Variants in SCFD2 observed in about 807,000 individuals in gnomAD.
SCFD2 encodes the protein sec1 family domain containing 2, also known as sec1 family domain-containing protein 2.
Under a neutral mutation model 58.9 loss-of-function variants are expected in SCFD2, and 54 were observed. That is an observed-to-expected ratio of 0.92 (90% CI 0.74 to 1.15). The LOEUF (loss-of-function observed/expected upper bound fraction) is 1.15, where lower values mean the gene tolerates loss of function less well. Ranked by LOEUF, SCFD2 falls within the 50% of genes most tolerant of loss-of-function variation. SCFD2 has a pLI of 0.00. For synonymous variants in SCFD2, 321 were observed against 335.9 expected (o/e 0.96, Z 0.49); for missense variants, 805 against 836.6 (o/e 0.96, Z 0.47).
intron 5 of SCFD2, among the ~76,000 whole-genome samples, chr4:53,136,669 G>C (rs928583671): frequency 6.6e-6 from 1 of 152,124 alleles, no homozygotes; most frequent in African/African-American, 2.4e-5. Context: ...CTTGAATTCA[G>C]ATATTTGGGC....
At chr4:53,272,551 A>G (rs887268894) in intron 4 of SCFD2, among the ~76,000 whole-genome samples, 1 of 152,160 alleles carries the variant, frequency 6.6e-6, no homozygotes. Flanking sequence ...GTCCTTTGTA[A>G]GGACATGGAT....
At chr4:53,063,281 T>TAATC (rs1723566456) in intron 5 of SCFD2, among the ~76,000 whole-genome samples, 1 of 152,134 alleles carries the variant, frequency 6.6e-6, no homozygotes, top group African/African-American at 2.4e-5. Flanking sequence ...TAAAACTGGG[T>TAATC]AATCAATCTT....
intron 5 of SCFD2, among the ~76,000 whole-genome samples, chr4:53,070,641 A>G (rs1461840240): frequency 2.6e-5 from 4 of 152,108 alleles, no homozygotes; most frequent in Admixed American, 2.0e-4. Flanking sequence ...TGTGTACATA[A>G]TAGCACCAAA....
At chr4:53,178,415 C>A (rs1266952639) in intron 4 of SCFD2, among the ~76,000 whole-genome samples, 2 of 152,178 alleles carry the variant, frequency 1.3e-5, no homozygotes, top group Non-Finnish European at 2.9e-5. Context: ...CTAGCAAACT[C>A]CAATAGACCT....
At chr4:53,227,635 A>T (rs2149002203) in intron 4 of SCFD2, among the ~76,000 whole-genome samples, 1 of 152,292 alleles carries the variant, frequency 6.6e-6, no homozygotes, top group South Asian at 2.1e-4. Flanking sequence ...TGGGAAGTCT[A>T]AACCCTTTAT....
intron 5 of SCFD2, among the ~76,000 whole-genome samples, chr4:52,968,629 G>A (rs1721019486): frequency 6.6e-6 from 1 of 152,218 alleles, no homozygotes; most frequent in African/African-American, 2.4e-5. Flanking sequence ...CTAGCCACAG[G>A]GAAGTGGGTG....
intron 4 of SCFD2, among the ~76,000 whole-genome samples, chr4:53,239,456 G>A (rs1190712488): frequency 6.7e-6 from 1 of 148,556 alleles, no homozygotes; most frequent in Non-Finnish European, 1.5e-5. Context: ...GAGAGGGAGA[G>A]GGAGAGAGCG....
intron 2 of SCFD2, among the ~76,000 whole-genome samples, chr4:53,315,957 C>G (rs556047432): frequency 1.6e-4 from 24 of 152,118 alleles, no homozygotes; most frequent in Non-Finnish European, 2.5e-4. Flanking sequence ...CCATGCTCCT[C>G]CTCACCCACT....
chr4:53,302,758 G>A (rs970675231), intron 3 of SCFD2, among the ~76,000 whole-genome samples: 1 of 152,102 alleles, frequency 6.6e-6, no homozygotes, highest in African/African-American at 2.4e-5. Context: ...CAGACATATA[G>A]ACCAATGGAA....
chr4:53,036,690 T>C (rs1313022376), intron 5 of SCFD2, among the ~76,000 whole-genome samples: 3 of 151,826 alleles, frequency 2.0e-5, no homozygotes, highest in Non-Finnish European at 2.9e-5. Flanking sequence ...CCGGGGCCTG[T>C]CAGGGGGTGT....
At chr4:53,030,988 T>C (rs1253696622) in intron 5 of SCFD2, among the ~76,000 whole-genome samples, 20 of 152,170 alleles carry the variant, frequency 1.3e-4, no homozygotes, top group Non-Finnish European at 1.5e-5. Context: ...ACAAATGCAT[T>C]ATGCAAAGTG....
At chr4:53,135,889 G>T (rs538414208) in intron 5 of SCFD2, among the ~76,000 whole-genome samples, 9 of 152,110 alleles carry the variant, frequency 5.9e-5, no homozygotes, top group African/African-American at 2.2e-4. Context: ...TATATTTCTT[G>T]CTAGCCTCTG....
chr4:53,207,530 T>TAATATATATATAA (rs375151293), intron 4 of SCFD2, among the ~76,000 whole-genome samples: 1 of 16,730 alleles, frequency 6.0e-5, no homozygotes. Flanking sequence ...TATATAATAT[T>TAATATATATATAA]TATATATTAT....
intron 4 of SCFD2, among the ~76,000 whole-genome samples, chr4:53,202,237 T>C (rs1256568764): frequency 6.6e-6 from 1 of 152,244 alleles, no homozygotes; most frequent in Non-Finnish European, 1.5e-5. Flanking sequence ...TTCAGCTCTC[T>C]ACATATGGCC....
At chr4:53,266,111 G>A (rs767259934) in intron 4 of SCFD2, among the ~76,000 whole-genome samples, 3 of 151,974 alleles carry the variant, frequency 2.0e-5, no homozygotes, top group Non-Finnish European at 4.4e-5. Flanking sequence ...AGAAAAAGTG[G>A]GCTTTAAATC....
At chr4:53,130,419 G>T (rs1026904324) in intron 5 of SCFD2, among the ~76,000 whole-genome samples, 26 of 152,124 alleles carry the variant, frequency 1.7e-4, no homozygotes, top group African/African-American at 6.3e-4. Flanking sequence ...ATATAAACCT[G>T]GTTCTTTAAT....
intron 2 of SCFD2, among the ~76,000 whole-genome samples, chr4:53,331,108 G>A (rs897200699): frequency 6.6e-6 from 1 of 151,444 alleles, no homozygotes; most frequent in African/African-American, 2.4e-5. Context: ...AGTCCTGAGT[G>A]ACCTACAAAG....
At chr4:53,026,989 G>A (rs17082301) in intron 5 of SCFD2, among the ~76,000 whole-genome samples, 24,463 of 152,112 alleles carry the variant, frequency 0.16, 3,604 homozygotes, top group African/African-American at 0.39. Context: ...GCAATGAATT[G>A]CCTGTCACCC....
intron 5 of SCFD2, among the ~76,000 whole-genome samples, chr4:53,007,152 G>A (rs1253862611): frequency 1.3e-5 from 2 of 151,692 alleles, no homozygotes; most frequent in Non-Finnish European, 2.9e-5. Context: ...ATGGTGGTAC[G>A]TGCCTGTAGT....
Sources: allele counts gnomAD v4.1 joint callset (sites outside exome capture counted in the v4.1 genomes callset), GRCh38; gene constraint gnomAD v4.1.1; transcripts MANE v1.5; gene names NCBI Gene and HGNC (gene_info 2026-07-23, HGNC 2026-07-21).